The following PRKCQ variants were observed in gnomAD, a reference collection of about 807,000 sequenced individuals.
The protein encoded by PRKCQ is protein kinase C theta, also known as protein kinase C theta type.
Under a neutral mutation model 91.2 loss-of-function variants are expected in PRKCQ, and 41 were observed. The observed-to-expected ratio is 0.45, with a 90% confidence interval of 0.35 to 0.58. PRKCQ has a LOEUF of 0.58. Among genes scored for constraint, PRKCQ ranks in the 20% least tolerant of loss-of-function variants. PRKCQ has a pLI of 0.00. For missense variants in PRKCQ, 673 were observed against 896.5 expected (o/e 0.75, Z 3.18); for synonymous variants, 307 against 316.9 (o/e 0.97, Z 0.33).
At chr10:6,401,309 G>C in the PRKCQ span, among the ~76,000 whole-genome samples, 3 of 152,184 alleles carry the variant, frequency 2.0e-5, no homozygotes, top group Non-Finnish European at 4.4e-5. Flanking sequence ...TCCCTTTGGG[G>C]TCTGTGTTTT....
chr10:6,526,671 T>G lies in PRKCQ; in HGVS notation c.-9-11527A>C, dbSNP rs146239027. 9.6e-3 allele frequency among the ~76,000 whole-genome samples: 1,460 copies of G among 151,638 alleles called. 13 individuals carry two copies. Among genetic ancestry groups the G allele is most frequent in the Non-Finnish European group, 0.014 (964 of 67,872 alleles). On this transcript the variant is annotated intron_variant, in intron 1 of 17. Coordinates refer to ENST00000263125, the MANE Select transcript of PRKCQ (RefSeq NM_006257.5). ...GGGAAGGCGGATGGGCTGCGTGGAG[T>G]TGAGCAAGGGGTAGAGAAGACAGAC...
the PRKCQ span, among the ~76,000 whole-genome samples, chr10:6,404,564 T>G: frequency 1.1e-5 from 1 of 87,364 alleles, no homozygotes; most frequent in Non-Finnish European, 3.0e-5. Context: ...CATCCTTTCT[T>G]CCTTCTTTCT....
At chr10:6,425,467 C>G (rs938811049), downstream of PRKCQ, among the ~76,000 whole-genome samples, 1 of 152,090 alleles carries the variant, frequency 6.6e-6, no homozygotes, top group African/African-American at 2.4e-5. Flanking sequence ...CATGATCTGC[C>G]TGCCTGGGTC....
chr10:6,450,088 A>T (rs1263498741), intron 15 of PRKCQ, among the ~76,000 whole-genome samples: 1 of 149,116 alleles, frequency 6.7e-6, no homozygotes, highest in African/African-American at 2.5e-5. Context: ...TAACAATATT[A>T]ACTTTAAATG....
At chr10:6,543,542 C>A (rs968391631) in intron 1 of PRKCQ, among the ~76,000 whole-genome samples, 20 of 152,224 alleles carry the variant, frequency 1.3e-4, no homozygotes, top group African/African-American at 4.8e-4. Flanking sequence ...GCAGCAGCTT[C>A]TGTCACCCTT....
chr10:6,526,349 C>A (rs2130890292), intron 1 of PRKCQ, among the ~76,000 whole-genome samples: 1 of 152,258 alleles, frequency 6.6e-6, no homozygotes, highest in East Asian at 1.9e-4. Context: ...CTGCAGTCAG[C>A]CAAAGAGACA....
intron 4 of PRKCQ, among the ~76,000 whole-genome samples, chr10:6,499,308 G>C (rs1837780727): frequency 6.6e-6 from 1 of 152,160 alleles, no homozygotes; most frequent in African/African-American, 2.4e-5. Flanking sequence ...ATAAATATTG[G>C]TGAAAGTGCT....
chr10:6,401,486 TCTC>T, the PRKCQ span, among the ~76,000 whole-genome samples: 112 of 152,216 alleles, frequency 7.4e-4, 1 homozygote, highest in African/African-American at 2.6e-3. Context: ...TCCATATAGT[TCTC>T]CTCTGTTTTA....
chr10:6,429,691 A>ATAAC (rs1489479443), intron 17 of PRKCQ, among the ~76,000 whole-genome samples: 1 of 152,186 alleles, frequency 6.6e-6, no homozygotes, highest in Non-Finnish European at 1.5e-5. Flanking sequence ...TGTGATATAC[A>ATAAC]TAACTTAAAA....
At chr10:6,462,850 CAA>C (rs1243799543) in intron 13 of PRKCQ, among the ~76,000 whole-genome samples, 1 of 151,882 alleles carries the variant, frequency 6.6e-6, no homozygotes, top group Admixed American at 6.6e-5. Context: ...AGTAAAAATA[CAA>C]AAATTAGCAG....
chr10:6,526,462 A>C (rs1441078265), intron 1 of PRKCQ, among the ~76,000 whole-genome samples: 3 of 151,738 alleles, frequency 2.0e-5, no homozygotes, highest in African/African-American at 7.3e-5. Flanking sequence ...CAAACTAAGC[A>C]GAGGAGGGAG....
chr10:6,473,474 T>G (rs1208725079), intron 12 of PRKCQ, among the ~76,000 whole-genome samples: 1 of 152,266 alleles, frequency 6.6e-6, no homozygotes, highest in Admixed American at 6.5e-5. Flanking sequence ...ACCTGCAGAA[T>G]GTCTGAGTGA....
At chr10:6,549,295 C>T (rs1225089675) in intron 1 of PRKCQ, among the ~76,000 whole-genome samples, 2 of 152,040 alleles carry the variant, frequency 1.3e-5, no homozygotes, top group African/African-American at 4.8e-5. Flanking sequence ...TTAGAGTTCC[C>T]TTGGGTAGAA....
At chr10:6,474,177 G>A (rs1836144142) in intron 12 of PRKCQ, among the ~76,000 whole-genome samples, 1 of 152,208 alleles carries the variant, frequency 6.6e-6, no homozygotes, top group Admixed American at 6.5e-5. Flanking sequence ...TTCAACTGGT[G>A]CATATTGGGA....
chr10:6,484,698 T>A (rs1836800557), intron 10 of PRKCQ, among the ~76,000 whole-genome samples: 1 of 152,220 alleles, frequency 6.6e-6, no homozygotes. Context: ...ATGGGTCATA[T>A]CCACTCATGA....
At chr10:6,527,780 A>T (rs937769350) in intron 1 of PRKCQ, among the ~76,000 whole-genome samples, 11 of 152,158 alleles carry the variant, frequency 7.2e-5, no homozygotes, top group Non-Finnish European at 1.6e-4. Flanking sequence ...TTACGAGGAA[A>T]TTCCTTTCTG....
At chr10:6,490,560 T>TA (rs71515438) in intron 8 of PRKCQ, among the ~76,000 whole-genome samples, 36,788 of 129,020 alleles carry the variant, frequency 0.29, 5,354 homozygotes, top group South Asian at 0.45. Flanking sequence ...ACCATACCTC[T>TA]AAAAAAAAAA....
At chr10:6,438,745 G>A (rs1833820204) in intron 16 of PRKCQ, among the ~76,000 whole-genome samples, 2 of 152,164 alleles carry the variant, frequency 1.3e-5, no homozygotes, top group African/African-American at 4.8e-5. Flanking sequence ...ATAGGCGCCA[G>A]CCACCCTACC....
At position 6,568,047 on chromosome 10, in the gene PRKCQ, G is replaced by A. The variant is rs148735341; in HGVS notation, c.-10+12164C>T. On this transcript the variant is annotated intron_variant, in intron 1 of 17. Coordinates refer to ENST00000263125, the MANE Select transcript of PRKCQ (RefSeq NM_006257.5). The stretch of plus-strand genomic sequence containing the variant: ...GAGGTCAGGAGTTGGAGACCAGCCT[G>A]GCCAACATGATGAAAACATGTCTCT... 8.5e-3 allele frequency among the ~76,000 whole-genome samples: 1,301 copies of A among 152,182 alleles called. 16 individuals are homozygous for A. Among genetic ancestry groups the A allele is most frequent in the South Asian group, 0.044 (213 of 4,806 alleles).
Sources: allele counts gnomAD v4.1 joint callset (sites outside exome capture counted in the v4.1 genomes callset), GRCh38; gene constraint gnomAD v4.1.1; transcripts MANE v1.5; gene names NCBI Gene and HGNC (gene_info 2026-07-23, HGNC 2026-07-21).